SGCD: variants seen among roughly 807,000 people sequenced by gnomAD.
SGCD encodes sarcoglycan delta.
SGCD carries 18 observed loss-of-function variants against 36.6 expected under a neutral mutation model. The observed-to-expected ratio is 0.49, with a 90% CI of 0.34 to 0.73. The LOEUF (loss-of-function observed/expected upper bound fraction) is 0.73, where lower values mean the gene tolerates loss of function less well. Among genes scored for constraint, SGCD ranks in the 30% least tolerant of loss-of-function variants. The pLI is 0.01. For missense variants in SGCD, 387 were observed against 346.7 expected, an observed-to-expected ratio of 1.12 and a Z score of -0.92; for synonymous variants, 133 against 130.6, an observed-to-expected ratio of 1.02 and a Z score of -0.12.
At chr5:156,338,646 G>A (rs981554376) in intron 2 of SGCD, among the ~76,000 whole-genome samples, 1 of 152,068 alleles carries the variant, frequency 6.6e-6, no homozygotes, top group Non-Finnish European at 1.5e-5. Context: ...ACAATGGCTA[G>A]GTCCAGGTAT....
At chr5:156,318,416 T>C (rs1249125836) in intron 3 of SGCD, among the ~76,000 whole-genome samples, 1 of 152,152 alleles carries the variant, frequency 6.6e-6, no homozygotes, top group Non-Finnish European at 1.5e-5. Flanking sequence ...GTCTTGTAAG[T>C]ACCTTGAGGA....
intron 3 of SGCD, among the ~76,000 whole-genome samples, chr5:156,291,528 A>G (rs888373493): frequency 6.6e-6 from 1 of 152,104 alleles, no homozygotes; most frequent in African/African-American, 2.4e-5. Context: ...AAAAACAAAA[A>G]TTTTCATTAA....
intron 3 of SGCD, among the ~76,000 whole-genome samples, chr5:156,139,214 A>T (rs1762521667): frequency 6.6e-6 from 1 of 152,134 alleles, no homozygotes; most frequent in Non-Finnish European, 1.5e-5. Context: ...TTTATTTTAT[A>T]ATTTCTGCTT....
chr5:155,808,704 T>C, the SGCD span, among the ~76,000 whole-genome samples: 1 of 152,248 alleles, frequency 6.6e-6, no homozygotes, highest in South Asian at 2.1e-4. Flanking sequence ...ATTCTGGCTT[T>C]AGTAGAACTC....
At chr5:156,010,640 A>C (rs768794713) in intron 1 of SGCD, among the ~76,000 whole-genome samples, 3 of 152,218 alleles carry the variant, frequency 2.0e-5, no homozygotes, top group Non-Finnish European at 2.9e-5. Context: ...GTAATTCGAC[A>C]AACATCATGC....
intron 1 of SGCD, among the ~76,000 whole-genome samples, chr5:155,973,047 A>G (rs544137935): frequency 6.6e-6 from 1 of 152,280 alleles, no homozygotes; most frequent in South Asian, 2.1e-4. Flanking sequence ...ATTGTTATAT[A>G]GACAAATGTG....
At chr5:156,176,767 G>T (rs1326250164) in intron 3 of SGCD, among the ~76,000 whole-genome samples, 1 of 152,022 alleles carries the variant, frequency 6.6e-6, no homozygotes, top group Non-Finnish European at 1.5e-5. Context: ...TTGCGATTTT[G>T]TTTTTTGTAG....
intron 3 of SGCD, among the ~76,000 whole-genome samples, chr5:156,282,633 C>G (rs1766482986): frequency 6.6e-6 from 1 of 152,152 alleles, no homozygotes; most frequent in Admixed American, 6.5e-5. Flanking sequence ...CTATTAGATC[C>G]TTAATTGAAT....
chr5:155,859,546 C>T, the SGCD span, among the ~76,000 whole-genome samples: 20 of 152,220 alleles, frequency 1.3e-4, no homozygotes, highest in Middle Eastern at 3.4e-3. Context: ...TCAATCTTTT[C>T]CTCTAATCCT....
At chr5:156,551,430 C>T (rs942457098) in intron 4 of SGCD, among the ~76,000 whole-genome samples, 7 of 152,188 alleles carry the variant, frequency 4.6e-5, no homozygotes, top group Non-Finnish European at 1.0e-4. Context: ...TCCATATTCT[C>T]ACTCTCACAA....
At chr5:156,352,282 C>G (rs1285939219) in intron 3 of SGCD, among the ~76,000 whole-genome samples, 1 of 148,480 alleles carries the variant, frequency 6.7e-6, no homozygotes, top group African/African-American at 2.4e-5. Context: ...AAATAGGAAC[C>G]TTAGGAGTCA....
the SGCD span, among the ~76,000 whole-genome samples, chr5:155,780,591 T>A: frequency 6.6e-6 from 1 of 152,152 alleles, no homozygotes; most frequent in East Asian, 1.9e-4. Flanking sequence ...TGCAGTGGCA[T>A]TTGAATTGAT....
chr5:156,449,420 A>T (rs1329571771), intron 3 of SGCD, among the ~76,000 whole-genome samples: 1 of 152,124 alleles, frequency 6.6e-6, no homozygotes, highest in Non-Finnish European at 1.5e-5. Context: ...GAAATTCAGT[A>T]TGTTTGTGAA....
At chr5:156,451,783 T>C (rs1754029817) in intron 3 of SGCD, among the ~76,000 whole-genome samples, 1 of 152,180 alleles carries the variant, frequency 6.6e-6, no homozygotes, top group African/African-American at 2.4e-5. Context: ...TACACTTCAT[T>C]CTGTCTGCAC....
chr5:156,254,669 C>T (rs1330954696), intron 3 of SGCD, among the ~76,000 whole-genome samples: 2 of 151,902 alleles, frequency 1.3e-5, no homozygotes, highest in Admixed American at 6.6e-5. Flanking sequence ...GGCAACATAG[C>T]GAGACTCCAT....
chr5:156,601,423 T>C (rs1029550754), intron 6 of SGCD, among the ~76,000 whole-genome samples: 2 of 152,230 alleles, frequency 1.3e-5, no homozygotes, highest in Non-Finnish European at 2.9e-5. Context: ...TTATCAACTT[T>C]ATGAAAAGGC....
intron 3 of SGCD, among the ~76,000 whole-genome samples, chr5:156,458,182 C>A (rs1561708756): frequency 1.3e-5 from 2 of 151,840 alleles, no homozygotes; most frequent in Non-Finnish European, 2.9e-5. Flanking sequence ...CAGGCAGGCA[C>A]ACAGGCCAGA....
At chr5:156,726,649 A>G (rs966540959) in intron 7 of SGCD, among the ~76,000 whole-genome samples, 2 of 151,898 alleles carry the variant, frequency 1.3e-5, no homozygotes, top group Admixed American at 6.6e-5. Flanking sequence ...TCTTTTTTCC[A>G]TCTCCTGTTT....
intron 1 of SGCD, among the ~76,000 whole-genome samples, chr5:156,040,657 T>A (rs952884654): frequency 1.3e-5 from 2 of 152,106 alleles, no homozygotes; most frequent in African/African-American, 2.4e-5. Context: ...TAGGCCTAGG[T>A]GGTGTGGTGT....
Sources: gnomAD v4.1 joint callset for allele counts (sites outside exome capture counted in the v4.1 genomes callset) on GRCh38, gnomAD v4.1.1 for gene constraint, MANE v1.5 for transcripts, NCBI Gene and HGNC (gene_info 2026-07-23, HGNC 2026-07-21) for gene names.